ARSB: variants seen among roughly 807,000 people sequenced by gnomAD.
ARSB encodes the protein arylsulfatase B.
A neutral mutation model predicts 50.9 loss-of-function variants in ARSB; 41 were observed. That is an observed-to-expected ratio of 0.81 (90% confidence interval 0.63 to 1.04). ARSB has a LOEUF of 1.04. ARSB is among the 50% of genes least tolerant of loss of function. The pLI, the probability that ARSB is intolerant of heterozygous loss-of-function variation, is 0.00. For missense variants in ARSB, 672 were observed against 693.3 expected (o/e 0.97, Z 0.35); for synonymous variants, 269 against 284.8 (o/e 0.94, Z 0.56).
chr5:78,965,967 A>G (rs1035214799), intron 2 of ARSB, among the ~76,000 whole-genome samples: 2 of 152,230 alleles, frequency 1.3e-5, no homozygotes, highest in Non-Finnish European at 2.9e-5. Flanking sequence ...AATGTGTAAC[A>G]GAGAAAGAAA....
chr5:78,829,569 C>A (rs535435017), intron 6 of ARSB, among the ~76,000 whole-genome samples: 3 of 152,230 alleles, frequency 2.0e-5, no homozygotes, highest in Non-Finnish European at 4.4e-5. Flanking sequence ...TATACTCATT[C>A]CCTAGGTATT....
chr5:78,856,003 C>T (rs1746126161), intron 5 of ARSB, among the ~76,000 whole-genome samples: 1 of 152,176 alleles, frequency 6.6e-6, no homozygotes, highest in Non-Finnish European at 1.5e-5. Flanking sequence ...ATTCATTGTT[C>T]TGGCTATCTT....
rs73769395 is a variant in ARSB at position 78,924,597 on chromosome 5, C to G, written c.898+30698G>C. On this transcript the variant is annotated intron_variant, in intron 4 of 7. Transcript: ENST00000264914. ...ATATTTTCCAAGGAATTGACTGGAC[C>G]TGGAATCTTTTTGGTACATTTCCGT... is the stretch of plus-strand genomic sequence containing the variant. 6.2e-3 allele frequency among the ~76,000 whole-genome samples: 941 copies of G among 152,322 alleles called. 11 individuals are homozygous for G. Among genetic ancestry groups the G allele is most frequent in the African/African-American group, 0.022 (904 of 41,576 alleles).
At chr5:78,936,678 C>G (rs948371650) in intron 4 of ARSB, among the ~76,000 whole-genome samples, 4 of 152,168 alleles carry the variant, frequency 2.6e-5, no homozygotes, top group Admixed American at 6.5e-5. Flanking sequence ...TATTTTGCAT[C>G]TCTAGTCAGC....
chr5:78,859,707 T>C (rs909071090), intron 5 of ARSB, among the ~76,000 whole-genome samples: 2 of 152,000 alleles, frequency 1.3e-5, no homozygotes, highest in African/African-American at 4.8e-5. Context: ...TCAGGGGCTA[T>C]GCTAAACAAA....
At chr5:78,838,670 T>C (rs1458146921) in intron 6 of ARSB, among the ~76,000 whole-genome samples, 2 of 152,214 alleles carry the variant, frequency 1.3e-5, no homozygotes, top group Non-Finnish European at 2.9e-5. Flanking sequence ...AAGGGTCTAA[T>C]TGCTAAGGCT....
intron 4 of ARSB, among the ~76,000 whole-genome samples, chr5:78,927,143 C>T (rs337892): frequency 0.58 from 87,960 of 152,088 alleles, 25,660 homozygotes; most frequent in East Asian, 0.71. Flanking sequence ...GGATTGCAGG[C>T]GTGAGCCACC....
At chr5:78,893,445 T>C (rs1748424470) in intron 4 of ARSB, among the ~76,000 whole-genome samples, 1 of 150,496 alleles carries the variant, frequency 6.6e-6, no homozygotes, top group African/African-American at 2.5e-5. Flanking sequence ...AGTAAAATAT[T>C]TCCTCACTTT....
chr5:78,846,736 T>C (rs1437818071), intron 5 of ARSB, among the ~76,000 whole-genome samples: 2 of 152,190 alleles, frequency 1.3e-5, no homozygotes, highest in Non-Finnish European at 2.9e-5. Flanking sequence ...TTGGAGGTCC[T>C]TTATTTCTTT....
intron 4 of ARSB, among the ~76,000 whole-genome samples, chr5:78,906,268 G>C (rs1749062453): frequency 6.6e-6 from 1 of 152,164 alleles, no homozygotes; most frequent in Admixed American, 6.5e-5. Flanking sequence ...AGGAGGTAGA[G>C]GCTGCAGTGA....
chr5:78,798,226 C>T (rs1743247033), intron 6 of ARSB, among the ~76,000 whole-genome samples: 1 of 152,136 alleles, frequency 6.6e-6, no homozygotes, highest in Non-Finnish European at 1.5e-5. Context: ...AAAGTGACAA[C>T]AGACAGCCAT....
rs1748932722 is a variant in ARSB at position 78,781,785 on chromosome 5, T to G, written c.1336+67A>C. On this transcript the variant is annotated intron_variant, in intron 7 of 7. Transcript: ENST00000264914. The stretch of plus-strand genomic sequence containing the variant: ...AGGAGGGCAGATAGACTGGAGATAC[T>G]GCCCTGAGGACACAGCCCTGCTTTG... The G allele has an allele frequency of 1.2e-5, 20 of 1,603,714 alleles. 1 individual carries two copies. In the South Asian group the frequency reaches 2.2e-4, roughly 18 times the overall value.
At chr5:78,827,378 T>C (rs977895947) in intron 6 of ARSB, among the ~76,000 whole-genome samples, 3 of 152,152 alleles carry the variant, frequency 2.0e-5, no homozygotes, top group East Asian at 3.9e-4. Context: ...CCGGCTACTT[T>C]TTTGTATTTT....
chr5:78,973,917 A>C (rs183233099), intron 1 of ARSB, among the ~76,000 whole-genome samples: 20 of 152,252 alleles, frequency 1.3e-4, no homozygotes, highest in African/African-American at 4.3e-4. Context: ...GCAGTACTTA[A>C]AAATTCAGAA....
chr5:78,963,329 T>C (rs367918915), intron 3 of ARSB, among the ~76,000 whole-genome samples: 17 of 152,316 alleles, frequency 1.1e-4, no homozygotes, highest in Admixed American at 3.3e-4. Context: ...ATAAACCTCT[T>C]TTCTTTATAA....
intron 5 of ARSB, among the ~76,000 whole-genome samples, chr5:78,846,535 G>A (rs1260831345): frequency 6.6e-6 from 1 of 151,914 alleles, no homozygotes; most frequent in Non-Finnish European, 1.5e-5. Context: ...CATTTTTTGT[G>A]TGTTCTCTTC....
intron 4 of ARSB, among the ~76,000 whole-genome samples, chr5:78,899,676 A>T (rs186820767): frequency 5.8e-4 from 89 of 152,270 alleles, no homozygotes; most frequent in African/African-American, 2.1e-3. Flanking sequence ...TTGATTTTTT[A>T]AAATTATTTC....
intron 4 of ARSB, among the ~76,000 whole-genome samples, chr5:78,910,294 TTTC>T (rs1749251152): frequency 6.6e-6 from 1 of 152,240 alleles, no homozygotes; most frequent in Non-Finnish European, 1.5e-5. Context: ...CTGTGTCTTA[TTTC>T]TTTTCTCAGT....
intron 6 of ARSB, among the ~76,000 whole-genome samples, chr5:78,814,807 GT>G (rs1379763012): frequency 6.6e-6 from 1 of 150,746 alleles, no homozygotes; most frequent in East Asian, 1.9e-4. Context: ...TTCCTTGGAT[GT>G]TTGATCAAAA....
Sources: allele counts gnomAD v4.1 joint callset (sites outside exome capture counted in the v4.1 genomes callset), GRCh38; gene constraint gnomAD v4.1.1; transcripts MANE v1.5; gene names NCBI Gene and HGNC (gene_info 2026-07-23, HGNC 2026-07-21).